The following FH variants were observed in gnomAD, a reference collection of about 807,000 sequenced individuals.
The protein encoded by FH is fumarate hydratase, also known as fumarate hydratase, mitochondrial.
In FH, 22 loss-of-function variants were observed where a neutral mutation model predicts 49.4. The ratio of observed to expected loss-of-function variants is 0.45; its 90% CI spans 0.32 to 0.64. The LOEUF is 0.64. FH is among the 30% of genes least tolerant of loss of function. FH has a pLI of 0.05. For synonymous variants in FH, 208 were observed against 223.0 expected, an observed-to-expected ratio of 0.93 and a Z score of 0.60; for missense variants, 526 against 641.5, an observed-to-expected ratio of 0.82 and a Z score of 1.95.
chr1:241,518,020 G>A (rs2225788), intron 1 of FH, among the ~76,000 whole-genome samples: 1 of 151,950 alleles, frequency 6.6e-6, no homozygotes, highest in Admixed American at 6.6e-5. Context: ...TATCCCCATA[G>A]GGACTGTCTT....
intron 1 of FH, 77 bp downstream of exon 1, chr1:241,519,514 T>C (rs1660314321): frequency 6.7e-6 from 10 of 1,486,564 alleles, no homozygotes; most frequent in Non-Finnish European, 9.0e-6. Context: ...TCCCGCCAAG[T>C]CGCGGGCGCC....
rs1333344957 is a variant in FH, at chr1:241,504,171, C to T, written c.979G>A (p.Ala327Thr). 1 of 1,614,214 alleles carries T rather than the reference C, an allele frequency of 6.2e-7. No individual in the cohort carries two copies. The highest frequency in any genetic ancestry group is 2.2e-5 in the East Asian group (1 of 44,886). ...AGACTGCAGGCAGTAGTGTTCATGG[C>T]TCCACTGAGCTCAACCAGAGCGTCA... is the stretch of plus-strand genomic sequence containing the variant. ...AHDALVELSGAMNTTACSLMK... is the reference protein window; with the variant it reads ...AHDALVELSGTMNTTACSLMK... The change falls in exon 7 of 10, where the codon GCC (alanine) becomes ACC (threonine). Residue 327 changes from alanine to threonine, a missense_variant. Ala to Thr is a moderately conservative substitution (Grantham distance 58). Coordinates refer to ENST00000366560, the MANE Select transcript of FH (RefSeq NM_000143.4).
At chr1:241,505,316 G>A (rs929520373) in intron 6 of FH, among the ~76,000 whole-genome samples, 2 of 152,106 alleles carry the variant, frequency 1.3e-5, no homozygotes, top group Non-Finnish European at 2.9e-5. Flanking sequence ...GCTAAAATGA[G>A]TTAGATGTTC....
At chr1:241,513,453 T>C (rs942256544) in intron 3 of FH, 150 bp downstream of exon 3, 3 of 719,542 alleles carry the variant, frequency 4.2e-6, no homozygotes, top group South Asian at 1.5e-5. Flanking sequence ...ACCATATTAA[T>C]ATCACCACTA....
Position 241,497,766 on chromosome 1 carries a change from G to A in FH, c.*62C>T, listed in dbSNP as rs1012908767. On this transcript the variant is annotated 3_prime_UTR_variant, in exon 10 of 10. Coordinates refer to ENST00000366560, the MANE Select transcript of FH (RefSeq NM_000143.4). ...TCCTTTCAAACTTATCCGTTTTTAA[G>A]AAATGGGAGTCTGTTTTTTTAAATT... 2.1e-6 allele frequency: 3 copies of A among 1,445,330 alleles called. No individual in the cohort carries two copies. The highest frequency in any genetic ancestry group is 2.8e-6 in the Non-Finnish European group (3 of 1,058,480). The allele number at this position is 1,445,330 out of a possible 1,614,324, so 89.5% of individuals were successfully genotyped here. A position where few individuals can be genotyped will look rare whatever the true frequency, so the allele number is the denominator to read the frequency against.
chr1:241,506,302 T>C (rs929620386), intron 5 of FH, 134 bp from the exon 6 acceptor site: 6 of 698,994 alleles, frequency 8.6e-6, no homozygotes, highest in Admixed American at 5.2e-5. Context: ...GTTTTATTTA[T>C]ACTACTTCAA....
intron 4 of FH, 147 bp from the exon 5 acceptor site, chr1:241,508,932 T>C: frequency 1.5e-6 from 1 of 648,836 alleles, no homozygotes. Flanking sequence ...ATGTCATAGG[T>C]GAGTTATTAT....
In FH at chr1:241,497,618, C is replaced by CT. The variant is rs1659652958; in HGVS notation, c.*209dup. On this transcript the variant is annotated 3_prime_UTR_variant, in exon 10 of 10. Transcript: ENST00000366560. ...TAGGAGAAAATTTAAGTCTGTTTTC[C>CT]TTTTTATTTTATAAATGTATTTTAT... The CT allele has an allele frequency of 2.1e-6, 1 of 468,596 alleles. No homozygotes were observed. 29.0% of individuals were successfully genotyped at this position (468,596 alleles called of 1,614,324 possible).
chr1:241,500,634 A>AGAGAGAGG (rs1353756144), intron 8 of FH, 44 bp from the exon 9 acceptor site: 3 of 1,608,110 alleles, frequency 1.9e-6, no homozygotes, highest in South Asian at 1.1e-5. Context: ...AGAGAGAGAG[A>AGAGAGAGG]GAGAGACATT....
At chr1:241,504,592 C>T (rs1408784682) in intron 6 of FH, among the ~76,000 whole-genome samples, 1 of 152,076 alleles carries the variant, frequency 6.6e-6, no homozygotes, top group Non-Finnish European at 1.5e-5. Flanking sequence ...CAGGTGCACA[C>T]CACCACGCCC....
chr1:241,509,778 A>AACACACACAC (rs71174810), intron 4 of FH, among the ~76,000 whole-genome samples: 11 of 139,288 alleles, frequency 7.9e-5, no homozygotes, highest in African/African-American at 1.8e-4. Context: ...ACAATCTCTA[A>AACACACACAC]ACACACACAC....
chr1:241,518,921 A>T (rs1179491859), intron 1 of FH: 1 of 152,240 alleles, frequency 6.6e-6, no homozygotes, highest in Non-Finnish European at 1.5e-5. Context: ...ATCTGCTCAA[A>T]CATGCTTCAG....
At chr1:241,518,941 C>A (rs1168167277) in intron 1 of FH, 1 of 152,206 alleles carries the variant, frequency 6.6e-6, no homozygotes, top group Non-Finnish European at 1.5e-5. Context: ...GAACACTATG[C>A]CCGCGGTATT....
At chr1:241,502,336 T>C (rs1659801330) in intron 8 of FH, 107 bp downstream of exon 8, 7 of 1,269,236 alleles carry the variant, frequency 5.5e-6, no homozygotes, top group South Asian at 1.2e-5. Flanking sequence ...CTGCTACTTA[T>C]GTCACCCAAC....
intron 2 of FH, among the ~76,000 whole-genome samples, chr1:241,516,106 G>A (rs1660203972): frequency 6.6e-6 from 1 of 151,882 alleles, no homozygotes; most frequent in Non-Finnish European, 1.5e-5. Context: ...ATTAGTGGGG[G>A]AAAAAAGAAT....
intron 4 of FH, 55 bp downstream of exon 4, chr1:241,511,912 T>A: frequency 6.5e-7 from 1 of 1,534,304 alleles, no homozygotes; most frequent in Admixed American, 1.7e-5. Flanking sequence ...ACAAGAACAA[T>A]CTCAGGTATG....
intron 5 of FH, among the ~76,000 whole-genome samples, 193 bp from the exon 6 acceptor site, chr1:241,506,361 T>A (rs1241297108): frequency 6.6e-6 from 1 of 152,220 alleles, no homozygotes; most frequent in African/African-American, 2.4e-5. Context: ...TATAGAACCA[T>A]AAGGTACGAC....
At chr1:241,500,784 T>C (rs982963601) in intron 8 of FH, among the ~76,000 whole-genome samples, 194 bp from the exon 9 acceptor site, 5 of 152,236 alleles carry the variant, frequency 3.3e-5, no homozygotes, top group African/African-American at 4.8e-5. Flanking sequence ...AGCATGAACA[T>C]TTGAAGGCAC....
intron 3 of FH, 131 bp from the exon 4 acceptor site, chr1:241,512,274 T>C: frequency 2.8e-6 from 2 of 719,300 alleles, no homozygotes; most frequent in Non-Finnish European, 4.7e-6. Context: ...ACAGATACTT[T>C]AAAAAGTGAA....
Sources: allele counts gnomAD v4.1 joint callset (sites outside exome capture counted in the v4.1 genomes callset), GRCh38; gene constraint gnomAD v4.1.1; transcripts MANE v1.5; gene names NCBI Gene and HGNC (gene_info 2026-07-23, HGNC 2026-07-21).